Variants in PTPRN2 observed in about 807,000 individuals in gnomAD.
PTPRN2 encodes protein tyrosine phosphatase receptor type N2.
Under a neutral mutation model 118.8 loss-of-function variants are expected in PTPRN2, and 74 were observed. That is an observed-to-expected ratio of 0.62 (90% CI 0.52 to 0.76). PTPRN2 has a LOEUF of 0.76. PTPRN2 is among the 30% of genes least tolerant of loss of function. The pLI is 0.00. For missense variants in PTPRN2, 1,481 were observed against 1,394.4 expected (o/e 1.06, Z -0.99); for synonymous variants, 641 against 608.0 (o/e 1.05, Z -0.80).
intron 12 of PTPRN2, among the ~76,000 whole-genome samples, chr7:157,755,416 G>A (rs771831286): frequency 4.6e-5 from 7 of 152,104 alleles, no homozygotes; most frequent in Non-Finnish European, 8.8e-5. Flanking sequence ...TTCTTGAGAA[G>A]TTCATCGAAC....
At chr7:158,506,400 CTA>C (rs1293127608) in intron 1 of PTPRN2, among the ~76,000 whole-genome samples, 6 of 152,124 alleles carry the variant, frequency 3.9e-5, no homozygotes, top group African/African-American at 1.2e-4. Flanking sequence ...AGTAGAATGA[CTA>C]AGTGACACCG....
At chr7:158,413,085 C>T (rs1367946133) in intron 2 of PTPRN2, among the ~76,000 whole-genome samples, 4 of 151,148 alleles carry the variant, frequency 2.6e-5, no homozygotes, top group Admixed American at 2.0e-4. Flanking sequence ...TCAGCGCCCT[C>T]CTCAGCTCCA....
intron 2 of PTPRN2, among the ~76,000 whole-genome samples, chr7:158,434,764 T>C (rs1416868831): frequency 6.6e-6 from 1 of 152,210 alleles, no homozygotes; most frequent in African/African-American, 2.4e-5. Flanking sequence ...ATTTTTATTA[T>C]TATTTTGATT....
chr7:157,967,050 T>C (rs1298797247), intron 11 of PTPRN2, among the ~76,000 whole-genome samples: 1 of 152,274 alleles, frequency 6.6e-6, no homozygotes, highest in Non-Finnish European at 1.5e-5. Context: ...CTGGGTGCAG[T>C]GGCTCATGCC....
intron 16 of PTPRN2, among the ~76,000 whole-genome samples, chr7:157,597,941 A>G (rs1482952206): frequency 6.6e-6 from 1 of 152,230 alleles, no homozygotes; most frequent in Non-Finnish European, 1.5e-5. Context: ...TTGAACAGAA[A>G]ATTATTCTGG....
intron 12 of PTPRN2, chr7:157,854,686 C>G (rs1809549167): frequency 6.5e-6 from 1 of 153,226 alleles, no homozygotes; most frequent in African/African-American, 2.4e-5. Context: ...GCCCCTGGCT[C>G]AAAGATGCCC....
chr7:157,652,408 G>C (rs1563305249), intron 14 of PTPRN2, among the ~76,000 whole-genome samples: 1 of 152,226 alleles, frequency 6.6e-6, no homozygotes, highest in Non-Finnish European at 1.5e-5. Flanking sequence ...AAGGTTGGAG[G>C]TCTGTCCTGG....
At chr7:157,848,258 A>G (rs1335421593) in intron 12 of PTPRN2, among the ~76,000 whole-genome samples, 1 of 143,118 alleles carries the variant, frequency 7.0e-6, no homozygotes, top group Non-Finnish European at 1.5e-5. Flanking sequence ...TCATTACATC[A>G]TGTGTGCCTG....
At chr7:158,286,614 A>C (rs533485514) in intron 3 of PTPRN2, among the ~76,000 whole-genome samples, 6 of 152,204 alleles carry the variant, frequency 3.9e-5, no homozygotes, top group Non-Finnish European at 8.8e-5. Context: ...ATGAGATGAT[A>C]TATGGTTTTT....
chr7:157,612,210 G>A (rs1802395289), intron 15 of PTPRN2, among the ~76,000 whole-genome samples: 1 of 152,212 alleles, frequency 6.6e-6, no homozygotes. Context: ...CCAGAGACCA[G>A]CTCCAGACAC....
At chr7:158,543,888 A>T (rs1472677230) in intron 1 of PTPRN2, among the ~76,000 whole-genome samples, 1 of 152,242 alleles carries the variant, frequency 6.6e-6, no homozygotes, top group Non-Finnish European at 1.5e-5. Context: ...CTGCCTCTGC[A>T]CCAGGCTGCC....
chr7:158,071,176 A>C (rs867108954), intron 11 of PTPRN2, among the ~76,000 whole-genome samples: 51 of 2,552 alleles, frequency 0.02, 2 homozygotes, highest in Non-Finnish European at 0.02. Flanking sequence ...AGGTGCTCTT[A>C]GTATGGAGGT....
rs750933024 is a variant in PTPRN2 at position 158,526,720 on chromosome 7, G to T, written c.113-36935C>A. ...TGACTGGGTCCTTATGGAGGAGGAG[G>T]TGAGGACACAGACACGCACAGATGG... is the stretch of plus-strand genomic sequence containing the variant. On this transcript the variant is annotated intron_variant, in intron 1 of 22. Transcript: ENST00000389418. This position sits in a 1 kb window ranked among gnomAD's most constrained non-coding sequence, Gnocchi z 5.2. Among the ~76,000 whole-genome samples the T allele has an allele frequency of 2.6e-5, 4 of 151,972 alleles. No individual in the cohort carries two copies.
intron 9 of PTPRN2, among the ~76,000 whole-genome samples, chr7:158,122,152 T>C (rs1360733271): frequency 2.0e-5 from 3 of 152,152 alleles, no homozygotes; most frequent in Admixed American, 1.3e-4. Flanking sequence ...AGAACTTTTA[T>C]GGGGTCAGGG....
At chr7:158,238,240 C>T (rs896187970) in intron 3 of PTPRN2, among the ~76,000 whole-genome samples, 43 of 152,210 alleles carry the variant, frequency 2.8e-4, no homozygotes, top group African/African-American at 9.1e-4. Flanking sequence ...GGGCATCCCT[C>T]CCTACAGCTG....
chr7:158,407,176 CTG>C lies in PTPRN2; in HGVS notation c.163+82557_163+82558del, dbSNP rs1305806461. Among the ~76,000 whole-genome samples the C allele has an allele frequency of 6.0e-3, 540 of 90,618 alleles. 23 individuals are homozygous for C. The highest frequency in any genetic ancestry group is 0.016 in the South Asian group (26 of 1,610). The allele number at this position is 90,618 out of a possible 152,430, so 59.4% of individuals were successfully genotyped here. ...GGTCCTGGGTCCTGGGTCCTGCGTC[CTG>C]CGTCCTGGGTCCTGGGTCCTGGGTC... is the stretch of plus-strand genomic sequence containing the variant. On this transcript the variant is annotated intron_variant, in intron 2 of 22. Coordinates refer to ENST00000389418, the MANE Select transcript of PTPRN2 (RefSeq NM_002847.5).
At position 158,273,692 on chromosome 7, in the gene PTPRN2, C is replaced by T. The variant is rs1271771788; in HGVS notation, c.277+43127G>A. On this transcript the variant is annotated intron_variant, in intron 3 of 22. Transcript: ENST00000389418. ...GGGAGGAGCCGCAGACACAGGGAGC[C>T]GCAGACACAGGGGGAGCTGCAGACA... Among the ~76,000 whole-genome samples, 4 of 129,370 alleles carry T rather than the reference C, an allele frequency of 3.1e-5. No individual in the cohort carries two copies. The East Asian group carries it at 7.2e-4, about 23-fold the overall frequency. The allele number at this position is 129,370 out of a possible 152,430, so 84.9% of individuals were successfully genotyped here.
intron 14 of PTPRN2, among the ~76,000 whole-genome samples, chr7:157,634,877 G>A (rs1804213310): frequency 6.6e-6 from 1 of 152,240 alleles, no homozygotes; most frequent in African/African-American, 2.4e-5. Flanking sequence ...AGTGGACGTG[G>A]TCACCTGCCT....
chr7:158,575,508 G>A (rs1413681129), intron 1 of PTPRN2, among the ~76,000 whole-genome samples: 1 of 152,160 alleles, frequency 6.6e-6, no homozygotes, highest in African/African-American at 2.4e-5. Flanking sequence ...GAGACCACAG[G>A]TGTGTGCCAC....
Sources: allele counts gnomAD v4.1 joint callset (sites outside exome capture counted in the v4.1 genomes callset), GRCh38; gene constraint gnomAD v4.1.1; non-coding constraint Gnocchi (gnomAD v3.1); transcripts MANE v1.5; gene names NCBI Gene and HGNC (gene_info 2026-07-23, HGNC 2026-07-21).